AQR: variants seen among roughly 807,000 people sequenced by gnomAD.
AQR encodes aquarius intron-binding spliceosomal factor, also known as RNA helicase aquarius.
In AQR, 61 loss-of-function variants were observed where a neutral mutation model predicts 180.5. The observed-to-expected ratio is 0.34, with a 90% CI of 0.28 to 0.42. The LOEUF is 0.42. AQR is among the 10% of genes least tolerant of loss of function. The pLI, the probability that AQR is intolerant of heterozygous loss-of-function variation, is 1.00. For missense variants in AQR, 1,281 were observed against 1,798.3 expected (o/e 0.71, Z 5.20); for synonymous variants, 551 against 588.8 (o/e 0.94, Z 0.93).
At chr15:34,920,998 T>G (rs936841283) in intron 13 of AQR, among the ~76,000 whole-genome samples, 1 of 151,972 alleles carries the variant, frequency 6.6e-6, no homozygotes. Context: ...AAGACATTGT[T>G]TCACAGTTTT....
chr15:34,964,216 G>GA lies in AQR; in HGVS notation c.132+17dup, dbSNP rs779465050. The GA allele has an allele frequency of 6.4e-7, 1 of 1,572,550 alleles. No homozygotes were observed. Among genetic ancestry groups the GA allele is most frequent in the South Asian group, 1.1e-5 (1 of 88,842 alleles). On this transcript the variant is annotated intron_variant, in intron 2 of 34. Transcript: ENST00000156471. ...AGTGTAACTTCTCAAGAATTATGTT[G>GA]AAACCAAAAATACTTACCTTTATAT...
intron 32 of AQR, 35 bp from the exon 33 acceptor site, chr15:34,863,076 A>G (rs749245322): frequency 1.9e-6 from 3 of 1,569,328 alleles, no homozygotes; most frequent in Non-Finnish European, 1.7e-6. Context: ...AGCACACTTC[A>G]AGATTATTAA....
At chr15:34,882,746 T>A in intron 26 of AQR, 107 bp from the exon 27 acceptor site, 2 of 984,588 alleles carry the variant, frequency 2.0e-6, no homozygotes, top group Non-Finnish European at 1.4e-6. Context: ...ATAAATATAT[T>A]ATAAACTAAG....
chr15:34,898,544 A>G (rs1055103816), intron 20 of AQR, among the ~76,000 whole-genome samples: 1 of 152,168 alleles, frequency 6.6e-6, no homozygotes. Flanking sequence ...TTGCTATCAT[A>G]AAGACTGCTG....
chr15:34,882,577 T>C lies in AQR; in HGVS notation c.3090A>G (p.Lys1030=). Residue 1030 remains lysine, a synonymous_variant, in exon 27 of 35, where the codon AAA becomes AAG. Coordinates refer to ENST00000156471, the MANE Select transcript of AQR (RefSeq NM_014691.3). ...AGGTCATAGCAATAATTTTGGCTTC[T>C]TTCACTAAAAGGTATTTAGATCTGT... is the stretch of plus-strand genomic sequence containing the variant. The part of the protein sequence containing the change: ...GLDRSKYLLV[K]EAKIIAMTCT... The C allele has an allele frequency of 6.2e-7, 1 of 1,613,384 alleles. No individual in the cohort carries two copies. Among genetic ancestry groups the C allele is most frequent in the Non-Finnish European group, 8.5e-7 (1 of 1,179,694 alleles).
In AQR at chr15:34,890,351, G is replaced by C. The variant is rs375994831; in HGVS notation, c.2572-27C>G. 8.2e-6 allele frequency: 13 copies of C among 1,586,546 alleles called. No individual in the cohort carries two copies. In the African/African-American group the frequency reaches 1.8e-4, roughly 21 times the overall value. ...TAGACAATAAAGCAAGAAGGGTGACGGCACCTTTAAACGTAGCAAAAACTA... is the reference window on the plus strand; with the variant it reads ...TAGACAATAAAGCAAGAAGGGTGACCGCACCTTTAAACGTAGCAAAAACTA... On this transcript the variant is annotated intron_variant, in intron 23 of 34. Coordinates refer to ENST00000156471, the MANE Select transcript of AQR (RefSeq NM_014691.3).
At position 34,965,489 on chromosome 15, in the gene AQR, C is replaced by T. The variant is rs189326446; in HGVS notation, c.76-1199G>A. Among the ~76,000 whole-genome samples, 7 of 152,110 alleles carry T rather than the reference C, an allele frequency of 4.6e-5. No individual in the cohort carries two copies. In the East Asian group the frequency reaches 5.8e-4, roughly 13 times the overall value. On this transcript the variant is annotated intron_variant, in intron 1 of 34. Coordinates refer to ENST00000156471, the MANE Select transcript of AQR (RefSeq NM_014691.3). ...AGTTCAAGACCAGCCTGGCCAACAT[C>T]GTGAAACCCCATCTCTACCAAAAAC...
At chr15:34,950,084 CTTTTTTTT>C (rs1174370425) in intron 4 of AQR, among the ~76,000 whole-genome samples, 11 of 74,084 alleles carry the variant, frequency 1.5e-4, no homozygotes, top group South Asian at 6.6e-4. Flanking sequence ...TGCTATTTTC[CTTTTTTTT>C]TTTTTTTTTT....
At chr15:34,917,820 T>TAA (rs35092979) in intron 15 of AQR, among the ~76,000 whole-genome samples, 9,421 of 125,614 alleles carry the variant, frequency 0.075, 415 homozygotes, top group African/African-American at 0.096. Context: ...TTGTCTCTAC[T>TAA]AAAAAAAAAA....
chr15:34,878,609 A>T (rs1030378349), intron 27 of AQR, among the ~76,000 whole-genome samples: 1 of 152,160 alleles, frequency 6.6e-6, no homozygotes, highest in African/African-American at 2.4e-5. Context: ...GTTTAAGATG[A>T]TCAACATTGA....
At chr15:34,898,398 G>C (rs1363785479) in intron 20 of AQR, among the ~76,000 whole-genome samples, 1 of 152,184 alleles carries the variant, frequency 6.6e-6, no homozygotes, top group Non-Finnish European at 1.5e-5. Context: ...AGAATGCTAA[G>C]AGCCAATGAG....
intron 27 of AQR, among the ~76,000 whole-genome samples, chr15:34,878,231 A>G (rs894312638): frequency 1.3e-5 from 2 of 151,864 alleles, no homozygotes; most frequent in African/African-American, 4.8e-5. Flanking sequence ...CTAAAAATAC[A>G]GTAAGTTGGT....
At chr15:34,916,752 A>C (rs2140484264) in intron 15 of AQR, among the ~76,000 whole-genome samples, 1 of 152,012 alleles carries the variant, frequency 6.6e-6, no homozygotes, top group South Asian at 2.1e-4. Context: ...GCCTCTGCAC[A>C]AGGTGGTACT....
chr15:34,928,451 GT>G (rs948294089), intron 12 of AQR, among the ~76,000 whole-genome samples: 1 of 152,062 alleles, frequency 6.6e-6, no homozygotes, highest in Non-Finnish European at 1.5e-5. Context: ...GCGGTGTTTG[GT>G]TTTTTGTTCC....
intron 1 of AQR, among the ~76,000 whole-genome samples, chr15:34,969,143 A>G (rs923928180): frequency 8.5e-5 from 13 of 152,170 alleles, no homozygotes; most frequent in African/African-American, 3.1e-4. Flanking sequence ...ACCAGGAAAA[A>G]GCCTACTCCT....
At chr15:34,926,033 G>A (rs372966161) in intron 13 of AQR, among the ~76,000 whole-genome samples, 19 of 149,766 alleles carry the variant, frequency 1.3e-4, no homozygotes, top group Non-Finnish European at 2.0e-4. Flanking sequence ...CGGGCGTGGT[G>A]GCGGGCGCCT....
At chr15:34,922,341 T>C (rs939404172) in intron 13 of AQR, among the ~76,000 whole-genome samples, 2 of 152,186 alleles carry the variant, frequency 1.3e-5, no homozygotes, top group Non-Finnish European at 2.9e-5. Context: ...TTTTTGTACA[T>C]ATTTTTGTGT....
rs762323473 is a variant in AQR, at chr15:34,893,617, A to ACG, written c.2571+45_2571+46insCG. ...TGCATGCGCATGCGTGCACACACACACACACACACACACACACACACACAC... is the reference window on the plus strand; with the variant it reads ...TGCATGCGCATGCGTGCACACACACACGCACACACACACACACACACACACAC... On this transcript the variant is annotated intron_variant, in intron 23 of 34. Transcript: ENST00000156471. 58 of 1,215,484 alleles carry ACG rather than the reference A, an allele frequency of 4.8e-5. 1 individual carries two copies. The highest frequency in any genetic ancestry group is 6.4e-5 in the Non-Finnish European group (56 of 876,114). The allele number at this position is 1,215,484 out of a possible 1,614,324, so 75.3% of individuals were successfully genotyped here. A position where few individuals can be genotyped will look rare whatever the true frequency, so the allele number is the denominator to read the frequency against.
At chr15:34,923,430 A>G (rs1250669573) in intron 13 of AQR, among the ~76,000 whole-genome samples, 1 of 152,184 alleles carries the variant, frequency 6.6e-6, no homozygotes, top group Non-Finnish European at 1.5e-5. Flanking sequence ...TTCAAAGAGC[A>G]GAAGTCTCTT....
Sources: gnomAD v4.1 joint callset for allele counts (sites outside exome capture counted in the v4.1 genomes callset) on GRCh38, gnomAD v4.1.1 for gene constraint, MANE v1.5 for transcripts, NCBI Gene and HGNC (gene_info 2026-07-23, HGNC 2026-07-21) for gene names.